SLC38A12: variants seen among roughly 807,000 people sequenced by gnomAD.
SLC38A12 encodes solute carrier family 38 member 12, also known as putative sodium-coupled neutral amino acid transporter 12.
At chr17:74,819,230 G>C in the SLC38A12 span, among the ~76,000 whole-genome samples, 5 of 152,170 alleles carry the variant, frequency 3.3e-5, no homozygotes, top group Non-Finnish European at 7.4e-5. Context: ...TGCACATCCC[G>C]ATCACTCCTC....
chr17:74,837,777 T>G, the SLC38A12 span: 1 of 985,774 alleles, frequency 1.0e-6, no homozygotes, highest in Non-Finnish European at 1.2e-6. Context: ...TGGGCTGGCC[T>G]CCTGGGAAAC....
At chr17:74,838,835 A>G in the SLC38A12 span, 3 of 1,527,156 alleles carry the variant, frequency 2.0e-6, no homozygotes, top group African/African-American at 1.4e-5. Context: ...CACTGCAGCC[A>G]TCATCAACTT....
At chr17:74,794,959 A>AG in the SLC38A12 span, 2 of 1,470,706 alleles carry the variant, frequency 1.4e-6, no homozygotes, top group East Asian at 4.5e-5. Context: ...AAAAAAAAAA[A>AG]ACATGCAGAC....
At chr17:74,776,782 A>T in the SLC38A12 span, among the ~76,000 whole-genome samples, 2 of 152,154 alleles carry the variant, frequency 1.3e-5, no homozygotes. Flanking sequence ...TGGAGGCCCC[A>T]TTAAAAAAAG....
the SLC38A12 span, chr17:74,839,064 T>C: frequency 1.3e-6 from 2 of 1,535,492 alleles, no homozygotes; most frequent in Non-Finnish European, 1.7e-6. Flanking sequence ...GTAAACTTTC[T>C]TTGCCTCCCT....
chr17:74,837,471 G>T, the SLC38A12 span: 1 of 985,462 alleles, frequency 1.0e-6, no homozygotes, highest in South Asian at 4.7e-5. Flanking sequence ...GAGCCCTCAG[G>T]GCCTCCTACA....
the SLC38A12 span, chr17:74,838,579 C>T: frequency 8.1e-7 from 1 of 1,239,296 alleles, no homozygotes. Context: ...TGTTCCCTGC[C>T]CTGGAGGGAA....
chr17:74,838,124 C>T, the SLC38A12 span: 2 of 985,788 alleles, frequency 2.0e-6, no homozygotes, highest in Non-Finnish European at 2.4e-6. Context: ...GGCTGCGCCA[C>T]CTCTGCCCTG....
chr17:74,783,831 A>C, the SLC38A12 span, among the ~76,000 whole-genome samples: 1 of 147,038 alleles, frequency 6.8e-6, no homozygotes, highest in Non-Finnish European at 1.5e-5. Context: ...CCCGGGTTCA[A>C]GCGATCCCCC....
chr17:74,838,704 T>G, the SLC38A12 span: 1 of 1,434,722 alleles, frequency 7.0e-7, no homozygotes, highest in Non-Finnish European at 9.1e-7. Context: ...GTCACCTTCC[T>G]CTCCATCGAT....
chr17:74,792,466 C>G, the SLC38A12 span, among the ~76,000 whole-genome samples: 8 of 152,024 alleles, frequency 5.3e-5, no homozygotes, highest in Non-Finnish European at 1.2e-4. Flanking sequence ...AAAAAGAAAA[C>G]CAGAAAAAAG....
At chr17:74,819,627 G>A in the SLC38A12 span, 9 of 871,604 alleles carry the variant, frequency 1.0e-5, no homozygotes, top group Middle Eastern at 2.6e-4. Flanking sequence ...GCCAGTCCAG[G>A]TGTGCCCAAG....
the SLC38A12 span, among the ~76,000 whole-genome samples, chr17:74,787,279 C>T: frequency 6.6e-6 from 1 of 151,806 alleles, no homozygotes; most frequent in African/African-American, 2.4e-5. Context: ...TGTCAACACT[C>T]AGGGAGAGGC....
At chr17:74,837,737 C>T in the SLC38A12 span, 1 of 985,880 alleles carries the variant, frequency 1.0e-6, no homozygotes, top group South Asian at 4.7e-5. Flanking sequence ...GGTCCCCAGC[C>T]ACCTCCCACT....
the SLC38A12 span, among the ~76,000 whole-genome samples, chr17:74,796,553 CT>C: frequency 6.6e-6 from 1 of 152,208 alleles, no homozygotes; most frequent in Non-Finnish European, 1.5e-5. Flanking sequence ...CACTGAAGGG[CT>C]TTTCTTGCCC....
At chr17:74,777,247 T>C in the SLC38A12 span, 9 of 1,508,208 alleles carry the variant, frequency 6.0e-6, no homozygotes, top group South Asian at 1.0e-4. Context: ...AGGTGAAGCC[T>C]GCTCTTTTGT....
the SLC38A12 span, among the ~76,000 whole-genome samples, chr17:74,810,873 A>G: frequency 2.6e-5 from 4 of 152,236 alleles, no homozygotes; most frequent in African/African-American, 9.6e-5. Context: ...TGGTGCACAC[A>G]GGCTGCCGGC....
At chr17:74,830,384 C>T in the SLC38A12 span, among the ~76,000 whole-genome samples, 1 of 152,240 alleles carries the variant, frequency 6.6e-6, no homozygotes, top group African/African-American at 2.4e-5. Flanking sequence ...ACCTGTCCTC[C>T]TCCCTGCCAA....
chr17:74,783,527 C>G, the SLC38A12 span, among the ~76,000 whole-genome samples: 7 of 151,994 alleles, frequency 4.6e-5, no homozygotes, highest in Admixed American at 4.6e-4. Context: ...GGCTTTGGTC[C>G]TGTGTCAGGT....
Sources: gnomAD v4.1 joint callset for allele counts (sites outside exome capture counted in the v4.1 genomes callset) on GRCh38, gnomAD v4.1.1 for gene constraint, MANE v1.5 for transcripts, NCBI Gene and HGNC (gene_info 2026-07-23, HGNC 2026-07-21) for gene names.